CDH13: variants seen among roughly 807,000 people sequenced by gnomAD.
CDH13 encodes the protein cadherin 13, also known as cadherin-13.
A neutral mutation model predicts 63.8 loss-of-function variants in CDH13; 24 were observed. The observed-to-expected ratio is 0.38, with a 90% confidence interval of 0.27 to 0.53. CDH13 has a LOEUF of 0.53. Among genes scored for constraint, CDH13 ranks in the 20% least tolerant of loss-of-function variants. The pLI, the probability that CDH13 is intolerant of heterozygous loss-of-function variation, is 0.85. For missense variants in CDH13, 1,049 were observed against 903.1 expected (o/e 1.16, Z -2.07); for synonymous variants, 503 against 355.3 (o/e 1.42, Z -4.67).
chr16:83,658,530 A>T (rs1598426394), intron 8 of CDH13, among the ~76,000 whole-genome samples: 1 of 132,518 alleles, frequency 7.5e-6, no homozygotes. Flanking sequence ...CAGGTCCCGT[A>T]TCCTCACCAG....
chr16:83,023,245 C>G (rs1480615854), intron 2 of CDH13, among the ~76,000 whole-genome samples: 2 of 152,180 alleles, frequency 1.3e-5, no homozygotes, highest in African/African-American at 4.8e-5. Flanking sequence ...AATTGAAACT[C>G]TGAGTGTTGC....
intron 11 of CDH13, among the ~76,000 whole-genome samples, chr16:83,753,723 C>A (rs1850290334): frequency 6.6e-6 from 1 of 151,968 alleles, no homozygotes; most frequent in Non-Finnish European, 1.5e-5. Context: ...AAGAGTAACT[C>A]AGGAATTTAT....
At chr16:82,973,003 A>G (rs1006497658) in intron 2 of CDH13, among the ~76,000 whole-genome samples, 7 of 152,320 alleles carry the variant, frequency 4.6e-5, no homozygotes, top group African/African-American at 1.4e-4. Context: ...CTCGACCCAG[A>G]ACAATGTCAG....
intron 1 of CDH13, among the ~76,000 whole-genome samples, chr16:82,739,579 A>G (rs1282831522): frequency 6.6e-6 from 1 of 152,198 alleles, no homozygotes; most frequent in Non-Finnish European, 1.5e-5. Context: ...TTTATTTTTA[A>G]AAAGTGTTAA....
intron 5 of CDH13, among the ~76,000 whole-genome samples, chr16:83,271,984 A>G (rs1361470170): frequency 6.6e-6 from 1 of 152,172 alleles, no homozygotes; most frequent in African/African-American, 2.4e-5. Flanking sequence ...GGTAATAAAC[A>G]TTTGTCTTGT....
In CDH13 at chr16:83,779,006, T is replaced by A. The variant is rs1473673479; in HGVS notation, c.1682-962T>A. On this transcript the variant is annotated intron_variant, in intron 11 of 13. Coordinates refer to ENST00000567109, the MANE Select transcript of CDH13 (RefSeq NM_001257.5). ...ATTTGATAAGTGAGGAAAAGTCATATTTATCTCCATTCTTTGAATAGATTT... is the reference window on the plus strand; with the variant it reads ...ATTTGATAAGTGAGGAAAAGTCATAATTATCTCCATTCTTTGAATAGATTT... Among the ~76,000 whole-genome samples the A allele has an allele frequency of 2.6e-5, 4 of 152,232 alleles. No homozygotes were observed. The East Asian group carries it at 7.7e-4, about 29-fold the overall frequency.
Position 83,308,728 on chromosome 16 carries a change from G to A in CDH13, c.637-36134G>A, listed in dbSNP as rs61208285. Among the ~76,000 whole-genome samples the A allele has an allele frequency of 6.8e-3, 1,038 of 152,260 alleles. 5 individuals carry two copies. The highest frequency in any genetic ancestry group is 0.02 in the Middle Eastern group (6 of 294). On this transcript the variant is annotated intron_variant, in intron 5 of 13. Coordinates refer to ENST00000567109, the MANE Select transcript of CDH13 (RefSeq NM_001257.5). ...CTTCTGGAAGGCTCCCCTCACCGCC[G>A]TCTCCATATGTGGGAAGTTCAGAGC...
chr16:83,605,637 T>C (rs528083516), intron 8 of CDH13, among the ~76,000 whole-genome samples: 12 of 151,984 alleles, frequency 7.9e-5, no homozygotes, highest in Admixed American at 1.3e-4. Context: ...AGTATAGAGA[T>C]GAGGACAGTG....
At chr16:83,512,321 A>AAAGTAAAT (rs2074588544) in intron 7 of CDH13, among the ~76,000 whole-genome samples, 1 of 126,854 alleles carries the variant, frequency 7.9e-6, no homozygotes, top group Non-Finnish European at 1.6e-5. Context: ...ACTCCGTCTC[A>AAAGTAAAT]AAATAAATAA....
chr16:83,597,698 G>A (rs2875799), intron 7 of CDH13, among the ~76,000 whole-genome samples: 75,387 of 152,012 alleles, frequency 0.5, 21,258 homozygotes, highest in African/African-American at 0.78. Flanking sequence ...AAACTTTGCA[G>A]TTTATCTACA....
intron 7 of CDH13, among the ~76,000 whole-genome samples, chr16:83,545,179 T>G (rs947820870): frequency 1.3e-5 from 2 of 152,194 alleles, no homozygotes; most frequent in Admixed American, 1.3e-4. Flanking sequence ...TTGTTCGATG[T>G]TAAATCCCAC....
chr16:83,281,327 G>C (rs879575765), intron 5 of CDH13, among the ~76,000 whole-genome samples: 3 of 152,160 alleles, frequency 2.0e-5, no homozygotes, highest in Non-Finnish European at 2.9e-5. Flanking sequence ...TTCTTCTGCA[G>C]ATTATTCACC....
intron 11 of CDH13, among the ~76,000 whole-genome samples, chr16:83,776,583 A>C (rs2151003876): frequency 6.6e-6 from 1 of 152,328 alleles, no homozygotes; most frequent in South Asian, 2.1e-4. Flanking sequence ...AGCCCCGCTA[A>C]AGAGTATCGG....
intron 2 of CDH13, among the ~76,000 whole-genome samples, chr16:82,966,770 A>G (rs1231431830): frequency 6.6e-6 from 1 of 152,170 alleles, no homozygotes; most frequent in Non-Finnish European, 1.5e-5. Flanking sequence ...TTGAAGAGAA[A>G]ATTGCAGACT....
intron 5 of CDH13, among the ~76,000 whole-genome samples, chr16:83,334,359 TCTCACACACACA>T (rs56794270): frequency 0.44 from 38,347 of 87,850 alleles, 5,663 homozygotes; most frequent in East Asian, 0.6. Flanking sequence ...TCTCTCTCTC[TCTCACACACACA>T]CACACACACA....
In CDH13 at chr16:82,644,849, A is replaced by G. The variant is rs1319709423; in HGVS notation, c.45+17712A>G. Among the ~76,000 whole-genome samples, 1 of 152,216 alleles carries G rather than the reference A, an allele frequency of 6.6e-6. No individual in the cohort carries two copies. The highest frequency in any genetic ancestry group is 1.5e-5 in the Non-Finnish European group (1 of 68,036). On this transcript the variant is annotated intron_variant, in intron 1 of 13. Transcript: ENST00000567109. The surrounding 1 kb of genome is among the most constrained non-coding windows in gnomAD (Gnocchi z 5.7). ...TCAGTTTTCCAGCATAGCGTTTTGC[A>G]AAATGTGTTCTGAAGAGATACTGGT...
rs145961969 is a variant in CDH13, at chr16:83,178,396, C to A, written c.484-38949C>A. 1.1e-4 allele frequency among the ~76,000 whole-genome samples: 16 copies of A among 152,272 alleles called. No homozygotes were observed. In the East Asian group the frequency reaches 3.1e-3, roughly 29 times the overall value. On this transcript the variant is annotated intron_variant, in intron 4 of 13. Coordinates refer to ENST00000567109, the MANE Select transcript of CDH13 (RefSeq NM_001257.5). ...CACTGATTTAGATCCTGTCTGAAGT[C>A]CCCTCTGGCACTGATAGTCTAAGAT...
rs149941846 is a variant in CDH13, at chr16:82,958,849, G to T, written c.158-73161G>T. 3.4e-3 allele frequency among the ~76,000 whole-genome samples: 523 copies of T among 152,388 alleles called. 7 individuals carry two copies. The highest frequency in any genetic ancestry group is 0.012 in the African/African-American group (498 of 41,590). ...AAGGCCTTCAAGTGCATTCACCTGG[G>T]TGAGTACTCAGCCTGAGGTCTGAAT... is the stretch of plus-strand genomic sequence containing the variant. On this transcript the variant is annotated intron_variant, in intron 2 of 13. Transcript: ENST00000567109.
chr16:83,726,591 T>C (rs969699063), intron 10 of CDH13, among the ~76,000 whole-genome samples: 6 of 152,112 alleles, frequency 3.9e-5, no homozygotes, highest in African/African-American at 1.4e-4. Flanking sequence ...ATCCCGGCCC[T>C]TTGGGAGGCC....
Sources: gnomAD v4.1 joint callset for allele counts (sites outside exome capture counted in the v4.1 genomes callset) on GRCh38, gnomAD v4.1.1 for gene constraint, Gnocchi (gnomAD v3.1) non-coding constraint, MANE v1.5 for transcripts, NCBI Gene and HGNC (gene_info 2026-07-23, HGNC 2026-07-21) for gene names.